SRPK2: variants seen among roughly 807,000 people sequenced by gnomAD.
SRPK2 encodes the protein SFRS protein kinase 2.
Under a neutral mutation model 90.8 loss-of-function variants are expected in SRPK2, and 21 were observed. The observed-to-expected ratio is 0.23, with a 90% confidence interval of 0.16 to 0.33. The LOEUF (loss-of-function observed/expected upper bound fraction) is 0.33. Among genes scored for constraint, SRPK2 ranks in the 10% least tolerant of loss-of-function variants. SRPK2 has a pLI of 1.00. For missense variants in SRPK2, 620 were observed against 869.0 expected (o/e 0.71, Z 3.60); for synonymous variants, 288 against 311.1 (o/e 0.93, Z 0.78).
At chr7:105,359,590 T>C (rs746875475) in intron 2 of SRPK2, among the ~76,000 whole-genome samples, 1 of 152,228 alleles carries the variant, frequency 6.6e-6, no homozygotes, top group Non-Finnish European at 1.5e-5. Flanking sequence ...ATTTGTTTTA[T>C]GGCACTGCTG....
intron 3 of SRPK2, among the ~76,000 whole-genome samples, chr7:105,194,871 C>T (rs1794727867): frequency 1.3e-5 from 2 of 152,030 alleles, no homozygotes; most frequent in Admixed American, 6.5e-5. Flanking sequence ...CACAAACAAA[C>T]CCCCATACAT....
chr7:105,216,348 G>A (rs911906960), intron 2 of SRPK2, among the ~76,000 whole-genome samples: 7 of 152,166 alleles, frequency 4.6e-5, no homozygotes, highest in South Asian at 2.1e-4. Context: ...AGCCAATAAT[G>A]GTTGTCTCCA....
intron 2 of SRPK2, chr7:105,245,034 A>AACAAAC (rs1554476879): frequency 5.7e-6 from 3 of 522,310 alleles, no homozygotes; most frequent in Non-Finnish European, 7.1e-6. Context: ...AAACAAAACA[A>AACAAAC]ACACACACAC....
chr7:105,268,160 T>C (rs1477607622), intron 2 of SRPK2, among the ~76,000 whole-genome samples: 1 of 152,242 alleles, frequency 6.6e-6, no homozygotes, highest in East Asian at 1.9e-4. Flanking sequence ...AATCATATGA[T>C]TGACAGATAA....
intron 2 of SRPK2, among the ~76,000 whole-genome samples, chr7:105,326,126 C>T (rs540568719): frequency 6.6e-6 from 1 of 152,158 alleles, no homozygotes; most frequent in Non-Finnish European, 1.5e-5. Context: ...TTAATTCATA[C>T]CCTATCATTA....
At chr7:105,288,874 G>A (rs984716410) in intron 2 of SRPK2, among the ~76,000 whole-genome samples, 4 of 152,056 alleles carry the variant, frequency 2.6e-5, no homozygotes, top group South Asian at 2.1e-4. Context: ...AAGCTGCTGC[G>A]TACCACAAAA....
rs146586938 is a variant in SRPK2, at chr7:105,375,757, T to G, written c.71+12891A>C. The stretch of plus-strand genomic sequence containing the variant: ...TCCTTGGGACCAGATGTTTCGCTAT[T>G]CAAGTTTTTTGGGTTTTCCAAAGGT... On this transcript the variant is annotated intron_variant, in intron 2 of 15. Coordinates refer to ENST00000393651, the MANE Select transcript of SRPK2 (RefSeq NM_182692.3). Among the ~76,000 whole-genome samples the G allele has an allele frequency of 3.3e-5, 5 of 152,248 alleles. No homozygotes were observed. In the East Asian group the frequency reaches 9.7e-4, roughly 29 times the overall value.
At chr7:105,130,183 G>A (rs924028622) in intron 13 of SRPK2, among the ~76,000 whole-genome samples, 3 of 152,168 alleles carry the variant, frequency 2.0e-5, no homozygotes, top group African/African-American at 4.8e-5. Flanking sequence ...TGTCCTCCCT[G>A]ACAATAGCCA....
At chr7:105,167,601 TATTTA>T (rs1355865811) in intron 5 of SRPK2, 137 bp from the exon 6 acceptor site, 1 of 413,738 alleles carries the variant, frequency 2.4e-6, no homozygotes, top group Non-Finnish European at 4.1e-6. Context: ...AAATAAACTT[TATTTA>T]TTTATTTATT....
intron 13 of SRPK2, 110 bp downstream of exon 13, chr7:105,132,681 C>G: frequency 3.5e-6 from 3 of 854,338 alleles, no homozygotes; most frequent in Non-Finnish European, 5.4e-6. Flanking sequence ...GTGGATGACC[C>G]TTACAGTCAG....
intron 13 of SRPK2, among the ~76,000 whole-genome samples, chr7:105,128,007 T>C (rs1200553996): frequency 6.6e-6 from 1 of 152,136 alleles, no homozygotes; most frequent in South Asian, 2.1e-4. Flanking sequence ...GAAACTTCAC[T>C]GCATCAACCT....
chr7:105,291,060 A>AAG (rs1808942288), intron 2 of SRPK2, among the ~76,000 whole-genome samples: 1 of 151,050 alleles, frequency 6.6e-6, no homozygotes, highest in African/African-American at 2.4e-5. Context: ...AAAAAAAAAA[A>AAG]AAAAAGAAAT....
intron 3 of SRPK2, among the ~76,000 whole-genome samples, chr7:105,195,800 T>G (rs377448224): frequency 1.3e-5 from 2 of 152,078 alleles, no homozygotes; most frequent in Admixed American, 1.3e-4. Flanking sequence ...CACACTTAGA[T>G]GAAAAAAAAG....
chr7:105,373,766 G>A (rs916268752), intron 2 of SRPK2, among the ~76,000 whole-genome samples: 6 of 152,004 alleles, frequency 3.9e-5, no homozygotes, highest in Non-Finnish European at 5.9e-5. Context: ...CTTTCCTGCA[G>A]TAAGCTGACC....
intron 2 of SRPK2, among the ~76,000 whole-genome samples, chr7:105,334,748 G>A (rs1435135345): frequency 6.7e-6 from 1 of 148,606 alleles, no homozygotes; most frequent in Non-Finnish European, 1.5e-5. Flanking sequence ...GCTGAGGCGG[G>A]AGAATCACTT....
At chr7:105,120,174 G>C (rs1356975568) in intron 15 of SRPK2, among the ~76,000 whole-genome samples, 3 of 152,174 alleles carry the variant, frequency 2.0e-5, no homozygotes, top group Non-Finnish European at 4.4e-5. Context: ...ACTAAACCAA[G>C]TTCTCTGGGA....
At chr7:105,183,941 A>G (rs1793228230) in intron 3 of SRPK2, among the ~76,000 whole-genome samples, 1 of 151,334 alleles carries the variant, frequency 6.6e-6, no homozygotes, top group African/African-American at 2.4e-5. Flanking sequence ...CTCAGATTCC[A>G]TAACTAAAAA....
At chr7:105,321,900 G>C (rs533921651) in intron 2 of SRPK2, among the ~76,000 whole-genome samples, 1 of 152,236 alleles carries the variant, frequency 6.6e-6, no homozygotes, top group African/African-American at 2.4e-5. Flanking sequence ...TTCTCAAAAA[G>C]TTAAACATAG....
At chr7:105,312,935 G>T (rs1023953210) in intron 2 of SRPK2, among the ~76,000 whole-genome samples, 3 of 152,036 alleles carry the variant, frequency 2.0e-5, no homozygotes, top group African/African-American at 7.2e-5. Flanking sequence ...ACCACACCAG[G>T]CAAGAAAGTT....
Sources: allele counts gnomAD v4.1 joint callset (sites outside exome capture counted in the v4.1 genomes callset), GRCh38; gene constraint gnomAD v4.1.1; transcripts MANE v1.5; gene names NCBI Gene and HGNC (gene_info 2026-07-23, HGNC 2026-07-21).